The following CEP63 variants were observed in gnomAD, a reference collection of about 807,000 sequenced individuals.
CEP63 encodes centrosomal protein 63.
CEP63 carries 84 observed loss-of-function variants against 89.1 expected under a neutral mutation model. That is an observed-to-expected ratio of 0.94 (90% CI 0.79 to 1.13). The LOEUF (loss-of-function observed/expected upper bound fraction) is 1.13. Ranked by LOEUF, CEP63 falls within the 50% of genes most tolerant of loss-of-function variation. The probability of loss-of-function intolerance (pLI) is 0.00; values close to 1 mark genes in which losing one functional copy is unlikely to be tolerated. For synonymous variants in CEP63, 267 were observed against 272.5 expected (o/e 0.98, Z 0.20); for missense variants, 838 against 813.3 (o/e 1.03, Z -0.37).
the CEP63 span, among the ~76,000 whole-genome samples, chr3:134,748,868 G>A: frequency 3.3e-5 from 5 of 152,198 alleles, no homozygotes; most frequent in South Asian, 1.0e-3. Context: ...GGAGGGAGGG[G>A]CACCCAGAAA....
chr3:134,595,833 A>G, the CEP63 span, among the ~76,000 whole-genome samples: 1,284 of 152,220 alleles, frequency 8.4e-3, 25 homozygotes, highest in East Asian at 0.068. Flanking sequence ...AGCCTTGAGG[A>G]CAACTGTGCT....
rs12632372 is a variant in CEP63 at position 134,547,306 on chromosome 3, G to C, written c.930-29G>C. The C allele has an allele frequency of 1, 1,609,612 of 1,610,528 alleles. 804,354 individuals carry two copies. Among genetic ancestry groups the C allele is most frequent in the East Asian group, 1 (44,826 of 44,826 alleles). On this transcript the variant is annotated intron_variant, in intron 8 of 14. Transcript: ENST00000675561. ...TATTTTTGTTTGCAGAGATAAAGGC[G>C]TTAACAATCATCCTATGTCTTTCCA...
At chr3:134,491,544 A>G (rs188235035) in intron 1 of CEP63, among the ~76,000 whole-genome samples, 138 of 152,116 alleles carry the variant, frequency 9.1e-4, no homozygotes, top group African/African-American at 3.1e-3. Flanking sequence ...GTTTTTATGT[A>G]CTCCTATTTC....
the CEP63 span, among the ~76,000 whole-genome samples, chr3:134,665,698 C>CAGAGAG: frequency 1.1e-4 from 12 of 104,378 alleles, no homozygotes; most frequent in African/African-American, 4.5e-4. Flanking sequence ...CACACACACA[C>CAGAGAG]ACACAGAGAG....
chr3:134,713,036 T>C, the CEP63 span, among the ~76,000 whole-genome samples: 18 of 152,194 alleles, frequency 1.2e-4, no homozygotes, highest in African/African-American at 4.3e-4. Context: ...GGATTCCATG[T>C]TGGTATCACT....
the CEP63 span, among the ~76,000 whole-genome samples, chr3:134,597,601 TG>T: frequency 6.6e-6 from 1 of 152,224 alleles, no homozygotes; most frequent in African/African-American, 2.4e-5. Context: ...GCCAAGCTCT[TG>T]CCAGGCAGCC....
At chr3:134,615,376 G>A in the CEP63 span, 7 of 132,684 alleles carry the variant, frequency 5.3e-5, no homozygotes, top group Non-Finnish European at 1.1e-4. Context: ...TTTTTCACGT[G>A]TGAAAACATC....
In CEP63 at chr3:134,495,278, TA is replaced by T. The variant is rs761428849; in HGVS notation, c.-25-17del. The T allele has an allele frequency of 1.3e-6, 2 of 1,568,132 alleles. No homozygotes were observed. Among genetic ancestry groups the T allele is most frequent in the East Asian group, 2.2e-5 (1 of 44,570 alleles). On this transcript the variant is annotated splice_polypyrimidine_tract_variant and intron_variant, in intron 1 of 14. Coordinates refer to ENST00000675561, the MANE Select transcript of CEP63 (RefSeq NM_001353108.3). The stretch of plus-strand genomic sequence containing the variant: ...AAGAAATGAATTGTCTCATGACTGA[TA>T]TTTTTTTCTTTGTCAGTTGCCAAAA...
intron 10 of CEP63, among the ~76,000 whole-genome samples, chr3:134,582,386 G>A (rs1958380437): frequency 6.6e-6 from 1 of 151,682 alleles, no homozygotes; most frequent in Non-Finnish European, 1.5e-5. Context: ...GTGTCCAAGT[G>A]TTCCCTCTGT....
chr3:134,486,273 A>G, intron 1 of CEP63, 71 bp downstream of exon 1: 3 of 985,580 alleles, frequency 3.0e-6, no homozygotes, highest in Non-Finnish European at 3.6e-6. Flanking sequence ...TTGGAGGGGC[A>G]AGGGGCTGCC....
At chr3:134,658,696 C>T in the CEP63 span, among the ~76,000 whole-genome samples, 9 of 152,158 alleles carry the variant, frequency 5.9e-5, no homozygotes, top group South Asian at 2.1e-4. Context: ...CTACAGGGAA[C>T]GAAGAAGAAG....
At chr3:134,705,685 G>C in the CEP63 span, among the ~76,000 whole-genome samples, 2 of 152,202 alleles carry the variant, frequency 1.3e-5, no homozygotes, top group Admixed American at 1.3e-4. Flanking sequence ...CTTATGGGGA[G>C]CTGAGTCCTC....
At chr3:134,760,471 T>C in the CEP63 span, among the ~76,000 whole-genome samples, 1 of 152,204 alleles carries the variant, frequency 6.6e-6, no homozygotes, top group Admixed American at 6.5e-5. Context: ...CAGGGAAAAG[T>C]CAGCACTATC....
the CEP63 span, among the ~76,000 whole-genome samples, chr3:134,683,034 A>G: frequency 6.6e-6 from 1 of 152,150 alleles, no homozygotes; most frequent in Non-Finnish European, 1.5e-5. Context: ...TGCCTCCCCT[A>G]CCTCTGAAAG....
downstream of CEP63, among the ~76,000 whole-genome samples, chr3:134,576,048 C>T (rs1184768731): frequency 6.6e-6 from 1 of 151,980 alleles, no homozygotes; most frequent in Non-Finnish European, 1.5e-5. Flanking sequence ...ACATGTAAGC[C>T]CCCTTAAATT....
At chr3:134,637,795 T>C in the CEP63 span, among the ~76,000 whole-genome samples, 8 of 152,230 alleles carry the variant, frequency 5.3e-5, no homozygotes, top group African/African-American at 1.9e-4. Context: ...GTATTAGCCA[T>C]GTCCTACTTC....
chr3:134,715,008 GA>G, the CEP63 span, among the ~76,000 whole-genome samples: 1 of 152,220 alleles, frequency 6.6e-6, no homozygotes, highest in African/African-American at 2.4e-5. Flanking sequence ...GCCATCCAGG[GA>G]AGGCATCCTG....
intron 3 of CEP63, among the ~76,000 whole-genome samples, chr3:134,518,725 A>G (rs1485895305): frequency 6.6e-6 from 1 of 152,120 alleles, no homozygotes; most frequent in Non-Finnish European, 1.5e-5. Context: ...GCTGAAAGTG[A>G]TCTAAGTAGC....
intron 3 of CEP63, among the ~76,000 whole-genome samples, chr3:134,511,996 A>G (rs1945080072): frequency 6.6e-6 from 1 of 152,260 alleles, no homozygotes; most frequent in Admixed American, 6.5e-5. Flanking sequence ...TGAGATTAAA[A>G]GCTTGCACCA....
Sources: allele counts gnomAD v4.1 joint callset (sites outside exome capture counted in the v4.1 genomes callset), GRCh38; gene constraint gnomAD v4.1.1; transcripts MANE v1.5; gene names NCBI Gene and HGNC (gene_info 2026-07-23, HGNC 2026-07-21).